RBMS3: variants seen among roughly 807,000 people sequenced by gnomAD.
RBMS3 encodes RNA-binding motif, single-stranded-interacting protein 3.
A neutral mutation model predicts 66.8 loss-of-function variants in RBMS3; 27 were observed. The ratio of observed to expected loss-of-function variants is 0.40; its 90% CI spans 0.30 to 0.56. RBMS3 has a LOEUF of 0.56. Among genes scored for constraint, RBMS3 ranks in the 20% least tolerant of loss-of-function variants. The pLI is 0.40. For missense variants in RBMS3, 513 were observed against 549.5 expected, an observed-to-expected ratio of 0.93 and a Z score of 0.66; for synonymous variants, 188 against 183.0, an observed-to-expected ratio of 1.03 and a Z score of -0.22.
At chr3:29,918,847 A>AGAAG in intron 10 of RBMS3, among the ~76,000 whole-genome samples, 1 of 152,052 alleles carries the variant, frequency 6.6e-6, no homozygotes, top group Non-Finnish European at 1.5e-5. Flanking sequence ...AAAACCCTAC[A>AGAAG]TATTAAGTCT....
chr3:29,360,516 A>G (rs2037511896), intron 1 of RBMS3, among the ~76,000 whole-genome samples: 1 of 151,994 alleles, frequency 6.6e-6, no homozygotes. Flanking sequence ...AGAAGAATGT[A>G]TATTCTGTTG....
chr3:29,291,907 T>G (rs1339306909), intron 1 of RBMS3, among the ~76,000 whole-genome samples: 1 of 151,786 alleles, frequency 6.6e-6, no homozygotes, highest in East Asian at 1.9e-4. Flanking sequence ...GATGGTTTCC[T>G]TCATTTTCAT....
At chr3:29,737,648 C>A (rs943393914) in intron 4 of RBMS3, among the ~76,000 whole-genome samples, 12 of 151,790 alleles carry the variant, frequency 7.9e-5, no homozygotes, top group Non-Finnish European at 1.3e-4. Flanking sequence ...GGAAGTTATA[C>A]GTAGATAAGG....
intron 1 of RBMS3, among the ~76,000 whole-genome samples, chr3:29,296,440 C>A (rs1294452825): frequency 1.3e-5 from 2 of 151,690 alleles, no homozygotes; most frequent in South Asian, 4.1e-4. Flanking sequence ...TAATCAGTGT[C>A]AAGTAATGTC....
At chr3:29,928,235 CATAT>C (rs1302408102) in intron 10 of RBMS3, among the ~76,000 whole-genome samples, 1 of 141,416 alleles carries the variant, frequency 7.1e-6, no homozygotes, top group Non-Finnish European at 1.5e-5. Flanking sequence ...CACACACACA[CATAT>C]ATATGTATAT....
chr3:29,760,130 C>T (rs2055606944), intron 5 of RBMS3, among the ~76,000 whole-genome samples: 1 of 151,956 alleles, frequency 6.6e-6, no homozygotes, highest in Non-Finnish European at 1.5e-5. Context: ...ACTTAGAATG[C>T]AGAAGGGAGG....
chr3:29,923,018 T>C (rs1247771045), intron 10 of RBMS3, among the ~76,000 whole-genome samples: 3 of 152,226 alleles, frequency 2.0e-5, no homozygotes, highest in African/African-American at 7.2e-5. Flanking sequence ...TGCCCACAGA[T>C]GCTATTGCTT....
intron 11 of RBMS3, among the ~76,000 whole-genome samples, chr3:29,939,054 C>T (rs887953947): frequency 6.6e-6 from 1 of 151,886 alleles, no homozygotes; most frequent in Admixed American, 6.6e-5. Flanking sequence ...AGTGATGTAA[C>T]ACACAGTAAA....
chr3:29,893,775 A>T (rs1310821576), intron 8 of RBMS3, among the ~76,000 whole-genome samples: 1 of 151,466 alleles, frequency 6.6e-6, no homozygotes, highest in African/African-American at 2.4e-5. Context: ...AATATGTGAT[A>T]TTGGACCATC....
intron 4 of RBMS3, among the ~76,000 whole-genome samples, chr3:29,620,238 C>A (rs1453417449): frequency 1.3e-5 from 2 of 151,940 alleles, no homozygotes; most frequent in East Asian, 3.9e-4. Context: ...AACATGCCAT[C>A]CTTATTTTTA....
rs1029227971 is a variant in RBMS3 at position 29,803,156 on chromosome 3, T to G, written c.637+40167T>G. On this transcript the variant is annotated intron_variant, in intron 6 of 14. Coordinates refer to ENST00000383767, the MANE Select transcript of RBMS3 (RefSeq NM_001003793.3). The stretch of plus-strand genomic sequence containing the variant: ...GAGAATAAATGACATAGCCAAGATC[T>G]TGGCAAATCCCTTTCCCTTTTCACT... Among the ~76,000 whole-genome samples, 8 of 152,162 alleles carry G rather than the reference T, an allele frequency of 5.3e-5. 1 individual carries two copies. Among genetic ancestry groups the G allele is most frequent in the African/African-American group, 1.2e-4 (5 of 41,436 alleles).
intron 4 of RBMS3, among the ~76,000 whole-genome samples, chr3:29,633,272 C>T (rs1003988942): frequency 2.0e-5 from 3 of 151,758 alleles, no homozygotes; most frequent in Non-Finnish European, 4.4e-5. Flanking sequence ...CTTATATCTT[C>T]ATATATCCTC....
chr3:29,617,588 T>G (rs1339616168), intron 4 of RBMS3, among the ~76,000 whole-genome samples: 2 of 152,178 alleles, frequency 1.3e-5, no homozygotes, highest in Non-Finnish European at 2.9e-5. Context: ...ATCTAGTCTT[T>G]GCTTTGCCAT....
intron 3 of RBMS3, among the ~76,000 whole-genome samples, chr3:29,496,214 GAAAA>G (rs1215803111): frequency 7.8e-6 from 1 of 128,908 alleles, no homozygotes; most frequent in Non-Finnish European, 1.7e-5. Context: ...AAAAAAAAAA[GAAAA>G]AAAGAAAAGA....
chr3:29,719,930 C>T (rs1171901488), intron 4 of RBMS3, among the ~76,000 whole-genome samples: 1 of 134,506 alleles, frequency 7.4e-6, no homozygotes, highest in African/African-American at 2.8e-5. Flanking sequence ...CTTACAGATA[C>T]ATTTTTTTTT....
At chr3:29,785,672 T>C (rs1394575024) in intron 6 of RBMS3, among the ~76,000 whole-genome samples, 1 of 151,940 alleles carries the variant, frequency 6.6e-6, no homozygotes, top group Non-Finnish European at 1.5e-5. Context: ...CTCAGCAAAA[T>C]TGTCATAGAG....
intron 3 of RBMS3, among the ~76,000 whole-genome samples, chr3:29,584,844 C>T (rs528309697): frequency 3.9e-5 from 6 of 152,190 alleles, no homozygotes; most frequent in Admixed American, 3.3e-4. Context: ...CCTAAGTCAT[C>T]TCCTGATCCC....
chr3:29,376,970 T>G (rs1243560579), intron 1 of RBMS3, among the ~76,000 whole-genome samples: 1 of 151,826 alleles, frequency 6.6e-6, no homozygotes, highest in Admixed American at 6.6e-5. Context: ...ATGCCTGTAA[T>G]CCCAGCTACT....
intron 4 of RBMS3, among the ~76,000 whole-genome samples, chr3:29,670,268 G>C (rs900626718): frequency 1.3e-5 from 2 of 152,116 alleles, no homozygotes; most frequent in Admixed American, 1.3e-4. Flanking sequence ...AATTAGTTAA[G>C]AAACTAGTAG....
Sources: allele counts gnomAD v4.1 joint callset (sites outside exome capture counted in the v4.1 genomes callset), GRCh38; gene constraint gnomAD v4.1.1; transcripts MANE v1.5; gene names NCBI Gene and HGNC (gene_info 2026-07-23, HGNC 2026-07-21).